The following DNAJC16 variants were observed in gnomAD, a reference collection of about 807,000 sequenced individuals.
The protein encoded by DNAJC16 is dnaJ homolog subfamily C member 16.
A neutral mutation model predicts 92.7 loss-of-function variants in DNAJC16; 76 were observed. The observed-to-expected ratio is 0.82, with a 90% CI of 0.68 to 0.99. The LOEUF is 0.99. DNAJC16 is among the 50% of genes least tolerant of loss of function. The pLI, the probability that DNAJC16 is intolerant of heterozygous loss-of-function variation, is 0.00. For synonymous variants in DNAJC16, 328 were observed against 358.7 expected (o/e 0.91, Z 0.97); for missense variants, 869 against 942.4 (o/e 0.92, Z 1.02).
intron 7 of DNAJC16, among the ~76,000 whole-genome samples, chr1:15,555,127 G>A (rs1016319585): frequency 4.7e-5 from 7 of 149,804 alleles, no homozygotes; most frequent in Admixed American, 1.3e-4. Flanking sequence ...TGTAATCCTC[G>A]TACTTTTGGA....
intron 5 of DNAJC16, 38 bp from the exon 6 acceptor site, chr1:15,546,729 A>G: frequency 6.7e-7 from 1 of 1,499,522 alleles, no homozygotes; most frequent in South Asian, 1.1e-5. Context: ...ATTGTTAAGA[A>G]TTAAATATTG....
chr1:15,561,146 C>G (rs1210115055), intron 8 of DNAJC16, among the ~76,000 whole-genome samples: 1 of 150,796 alleles, frequency 6.6e-6, no homozygotes, highest in African/African-American at 2.4e-5. Flanking sequence ...TTGTTGATAC[C>G]TGTCATAATA....
At chr1:15,542,808 G>A (rs1557575586) in intron 4 of DNAJC16, among the ~76,000 whole-genome samples, 1 of 152,220 alleles carries the variant, frequency 6.6e-6, no homozygotes, top group South Asian at 2.1e-4. Flanking sequence ...CAGAAGGGAA[G>A]CATTGAGTTG....
chr1:15,548,039 A>C lies in DNAJC16; in HGVS notation c.865-231A>C, dbSNP rs532227161. Among the ~76,000 whole-genome samples, 3 of 152,238 alleles carry C rather than the reference A, an allele frequency of 2.0e-5. No homozygotes were observed. In the East Asian group the frequency reaches 5.8e-4, roughly 29 times the overall value. Reference sequence around the variant, plus strand: ...CAGTACAGATTTCAAGAAGATCGTTATTTTGCTTTAGCTATGAAAAAGAAG... The same window carrying C: ...CAGTACAGATTTCAAGAAGATCGTTCTTTTGCTTTAGCTATGAAAAAGAAG... On this transcript the variant is annotated intron_variant, in intron 6 of 14. Transcript: ENST00000375847.
chr1:15,557,893 C>T (rs1477371272), intron 7 of DNAJC16, among the ~76,000 whole-genome samples: 1 of 151,994 alleles, frequency 6.6e-6, no homozygotes, highest in Non-Finnish European at 1.5e-5. Context: ...CCACCATGCC[C>T]AGCTAACAAC....
chr1:15,534,361 G>A, intron 3 of DNAJC16, 58 bp downstream of exon 3: 1 of 1,568,944 alleles, frequency 6.4e-7, no homozygotes, highest in Non-Finnish European at 8.7e-7. Flanking sequence ...GCCTTAGGAG[G>A]TGATGAGTTT....
At chr1:15,527,211 C>A (rs1251600391) in intron 1 of DNAJC16, among the ~76,000 whole-genome samples, 1 of 152,134 alleles carries the variant, frequency 6.6e-6, no homozygotes, top group Non-Finnish European at 1.5e-5. Context: ...TCTTCCTGGT[C>A]CTGGATATGC....
chr1:15,561,845 TAAACA>T (rs1313642317), intron 8 of DNAJC16, among the ~76,000 whole-genome samples: 1 of 150,476 alleles, frequency 6.6e-6, no homozygotes, highest in Non-Finnish European at 1.5e-5. Flanking sequence ...CTGGGCAATA[TAAACA>T]AAACTATATA....
chr1:15,543,660 G>A (rs533010122), intron 4 of DNAJC16, among the ~76,000 whole-genome samples: 101 of 152,280 alleles, frequency 6.6e-4, no homozygotes, highest in African/African-American at 2.3e-3. Flanking sequence ...GAGAAATAGG[G>A]GGAGAGCATT....
At chr1:15,530,798 C>T (rs1243085988) in intron 2 of DNAJC16, among the ~76,000 whole-genome samples, 3 of 152,236 alleles carry the variant, frequency 2.0e-5, no homozygotes, top group African/African-American at 7.2e-5. Flanking sequence ...AGGGATTCTC[C>T]TGACTCAGCC....
At position 15,568,093 on chromosome 1, in the gene DNAJC16, G is replaced by A. The variant is rs199541566; in HGVS notation, c.2265G>A (p.Leu755=). The stretch of plus-strand genomic sequence containing the variant: ...GATCCAGGCCCATCAAAGGAAAGTT[G>A]AGCAAGCTCTCTTTATGGATGGAAC... ...GLGSRPIKGK[L]SKLSLWMERL... is the part of the protein sequence containing the mutation. The change falls in exon 15 of 15, where the codon TTG becomes TTA. Residue 755 remains leucine, a synonymous_variant. Transcript: ENST00000375847. 4.3e-6 allele frequency: 7 copies of A among 1,614,186 alleles called. No homozygotes were observed. The highest frequency in any genetic ancestry group is 1.3e-5 in the African/African-American group (1 of 75,032).
At chr1:15,545,611 A>G (rs1638283323) in intron 5 of DNAJC16, among the ~76,000 whole-genome samples, 1 of 152,208 alleles carries the variant, frequency 6.6e-6, no homozygotes, top group African/African-American at 2.4e-5. Flanking sequence ...ATCTGGAGAC[A>G]TGAAATAGCC....
intron 8 of DNAJC16, chr1:15,560,189 A>C (rs1381480533): frequency 6.6e-6 from 1 of 152,314 alleles, no homozygotes; most frequent in African/African-American, 2.4e-5. Context: ...TGGTCAGAGA[A>C]GATTTCCCTA....
intron 11 of DNAJC16, among the ~76,000 whole-genome samples, chr1:15,564,962 G>A (rs994980248): frequency 4.0e-5 from 6 of 151,590 alleles, no homozygotes; most frequent in Non-Finnish European, 7.4e-5. Context: ...AGCCTCCCGA[G>A]AAGCTGAGAT....
chr1:15,547,304 T>C (rs1395894507), intron 6 of DNAJC16, among the ~76,000 whole-genome samples: 1 of 151,924 alleles, frequency 6.6e-6, no homozygotes, highest in Admixed American at 6.6e-5. Context: ...CGTGCTACCA[T>C]GCCCAGCTAA....
At chr1:15,549,860 C>T (rs1638403624) in intron 7 of DNAJC16, among the ~76,000 whole-genome samples, 1 of 151,402 alleles carries the variant, frequency 6.6e-6, no homozygotes, top group African/African-American at 2.4e-5. Context: ...CGAGGGGGAC[C>T]ATGTTCACAT....
At chr1:15,553,707 C>A (rs1411207584) in intron 7 of DNAJC16, among the ~76,000 whole-genome samples, 1 of 152,116 alleles carries the variant, frequency 6.6e-6, no homozygotes, top group African/African-American at 2.4e-5. Context: ...GCCCAGAAGG[C>A]CCCTCCCTCC....
chr1:15,559,605 A>G lies in DNAJC16; in HGVS notation c.1103A>G (p.Gln368Arg). The G allele has an allele frequency of 9.3e-6, 15 of 1,614,176 alleles. No individual in the cohort carries two copies. The highest frequency in any genetic ancestry group is 1.3e-5 in the Non-Finnish European group (15 of 1,180,022). ...CTATTGGCAGCCAGGCTCACCAGCC[A>G]GAAGTTGTTCCATGAACTCTGCCCT... ...KYLLAARLTSQKLFHELCPVK... is the reference protein window; with the variant it reads ...KYLLAARLTSRKLFHELCPVK... The change falls in exon 8 of 15, where the codon CAG (glutamine) becomes CGG (arginine). Residue 368 changes from glutamine to arginine, a missense_variant. Gln to Arg is a conservative substitution (Grantham distance 43, BLOSUM62 1). Coordinates refer to ENST00000375847, the MANE Select transcript of DNAJC16 (RefSeq NM_015291.4).
At chr1:15,534,391 T>G in intron 3 of DNAJC16, 88 bp downstream of exon 3, 5 of 1,357,166 alleles carry the variant, frequency 3.7e-6, no homozygotes, top group Non-Finnish European at 5.2e-6. Flanking sequence ...GTCAGAAAGG[T>G]CATGTTCCCC....
Sources: allele counts gnomAD v4.1 joint callset (sites outside exome capture counted in the v4.1 genomes callset), GRCh38; gene constraint gnomAD v4.1.1; transcripts MANE v1.5; gene names NCBI Gene and HGNC (gene_info 2026-07-23, HGNC 2026-07-21).